The following LRMDA variants were observed in gnomAD, a reference collection of about 807,000 sequenced individuals.
LRMDA encodes the protein leucine rich melanocyte differentiation associated.
In LRMDA, 18 loss-of-function variants were observed where a neutral mutation model predicts 29.8. The observed-to-expected ratio is 0.60, with a 90% CI of 0.42 to 0.90. The LOEUF (loss-of-function observed/expected upper bound fraction) is 0.90. LRMDA is among the 40% of genes least tolerant of loss of function. The pLI is 0.00. For synonymous variants in LRMDA, 125 were observed against 109.4 expected, an observed-to-expected ratio of 1.14 and a Z score of -0.89; for missense variants, 273 against 273.9, an observed-to-expected ratio of 1.00 and a Z score of 0.02.
chr10:75,840,492 T>G (rs933157599), intron 2 of LRMDA, among the ~76,000 whole-genome samples: 1 of 152,238 alleles, frequency 6.6e-6, no homozygotes, highest in Non-Finnish European at 1.5e-5. Context: ...TCATGGTCTG[T>G]TTGCCTAGAG....
Position 75,966,542 on chromosome 10 carries a change from A to AT in LRMDA, c.132-69464dup, listed in dbSNP as rs1291132855. ...TTCCATGAAGGCAGGGGTCCTTGTT[A>AT]TTCATCATTTGGGTAACTACACAGT... On this transcript the variant is annotated intron_variant, in intron 2 of 6. Coordinates refer to ENST00000611255, the MANE Select transcript of LRMDA (RefSeq NM_001305581.2). Among the ~76,000 whole-genome samples the AT allele has an allele frequency of 4.6e-5, 7 of 152,286 alleles. No homozygotes were observed. The East Asian group carries it at 1.2e-3, about 25-fold the overall frequency.
intron 2 of LRMDA, among the ~76,000 whole-genome samples, chr10:75,738,105 C>T (rs780415241): frequency 7.2e-5 from 11 of 152,324 alleles, no homozygotes; most frequent in Non-Finnish European, 1.6e-4. Context: ...TCATCAAACG[C>T]AGCCCCTTCC....
intron 2 of LRMDA, among the ~76,000 whole-genome samples, chr10:75,641,728 A>G (rs373118081): frequency 6.6e-6 from 1 of 152,110 alleles, no homozygotes; most frequent in East Asian, 1.9e-4. Flanking sequence ...GTGTGAGCCA[A>G]AAAGCCCTTG....
chr10:76,413,625 GAC>G (rs1222108711), intron 6 of LRMDA, among the ~76,000 whole-genome samples: 1 of 152,064 alleles, frequency 6.6e-6, no homozygotes, highest in African/African-American at 2.4e-5. Flanking sequence ...TTTGGGTGAG[GAC>G]ACAGCCAAAC....
intron 6 of LRMDA, among the ~76,000 whole-genome samples, chr10:76,533,610 C>T (rs1157208262): frequency 6.6e-6 from 1 of 152,106 alleles, no homozygotes; most frequent in Non-Finnish European, 1.5e-5. Flanking sequence ...CAGTTAAAGG[C>T]ACCTATGGAT....
intron 6 of LRMDA, among the ~76,000 whole-genome samples, chr10:76,507,642 T>C (rs1026067220): frequency 2.0e-5 from 3 of 152,106 alleles, no homozygotes; most frequent in African/African-American, 7.2e-5. Context: ...TTATATTAAG[T>C]TTTTAATCCA....
chr10:76,131,366 C>T (rs1466922793), intron 5 of LRMDA, among the ~76,000 whole-genome samples: 3 of 152,198 alleles, frequency 2.0e-5, no homozygotes, highest in Admixed American at 6.5e-5. Flanking sequence ...AACAGAATCA[C>T]CCCTGAGGTG....
chr10:75,575,892 C>T (rs1405337065), intron 2 of LRMDA, among the ~76,000 whole-genome samples: 1 of 152,102 alleles, frequency 6.6e-6, no homozygotes, highest in African/African-American at 2.4e-5. Flanking sequence ...CTCTGGTGCC[C>T]ACACCACCAG....
chr10:76,141,397 C>T (rs1363524688), intron 5 of LRMDA, among the ~76,000 whole-genome samples: 1 of 152,044 alleles, frequency 6.6e-6, no homozygotes, highest in Non-Finnish European at 1.5e-5. Context: ...GTAATACATA[C>T]TAGTAGCTGG....
rs114731838 is a variant in LRMDA at position 75,702,681 on chromosome 10, T to C, written c.131+264187T>C. Among the ~76,000 whole-genome samples the C allele has an allele frequency of 2.6e-3, 400 of 152,376 alleles. 2 individuals carry two copies. Among genetic ancestry groups the C allele is most frequent in the African/African-American group, 9.2e-3 (382 of 41,584 alleles). On this transcript the variant is annotated intron_variant, in intron 2 of 6. Transcript: ENST00000611255. ...CTAGAAATAACAAATAGATTATTTT[T>C]ATTGCCATATTTTTGAAATGTAAAA...
At chr10:75,932,412 A>G (rs1481724169) in intron 2 of LRMDA, among the ~76,000 whole-genome samples, 1 of 152,198 alleles carries the variant, frequency 6.6e-6, no homozygotes, top group East Asian at 1.9e-4. Context: ...CAGGAGTTCA[A>G]GACCAGCCTG....
At chr10:75,802,472 T>C (rs1315589422) in intron 2 of LRMDA, among the ~76,000 whole-genome samples, 2 of 152,174 alleles carry the variant, frequency 1.3e-5, no homozygotes, top group Non-Finnish European at 2.9e-5. Flanking sequence ...TGTAAGTCAT[T>C]ACAAATGTCA....
intron 2 of LRMDA, among the ~76,000 whole-genome samples, chr10:75,499,961 C>T (rs936564517): frequency 6.6e-6 from 1 of 152,180 alleles, no homozygotes; most frequent in African/African-American, 2.4e-5. Flanking sequence ...CCTAGATTAA[C>T]TTCTGTTTTC....
At chr10:75,611,329 A>G (rs1841029310) in intron 2 of LRMDA, among the ~76,000 whole-genome samples, 1 of 152,188 alleles carries the variant, frequency 6.6e-6, no homozygotes, top group African/African-American at 2.4e-5. Context: ...TGTAGCTGCC[A>G]GTGCTTGACT....
At chr10:75,563,741 T>C (rs1178639508) in intron 2 of LRMDA, among the ~76,000 whole-genome samples, 1 of 152,148 alleles carries the variant, frequency 6.6e-6, no homozygotes, top group Non-Finnish European at 1.5e-5. Context: ...TTAGTTTTCC[T>C]TCTAACAGAC....
Position 76,159,211 on chromosome 10 carries a change from A to C in LRMDA, c.516+100428A>C, listed in dbSNP as rs565913744. Among the ~76,000 whole-genome samples the C allele has an allele frequency of 2.9e-3, 445 of 152,312 alleles. 6 individuals carry two copies. The highest frequency in any genetic ancestry group is 0.01 in the African/African-American group (427 of 41,574). The stretch of plus-strand genomic sequence containing the variant: ...CTTATTTTCAAATAAGGAAATGCAC[A>C]TCAAGAGTTGTGCTTGGTGTATGGA... On this transcript the variant is annotated intron_variant, in intron 5 of 6. Coordinates refer to ENST00000611255, the MANE Select transcript of LRMDA (RefSeq NM_001305581.2).
chr10:75,958,690 G>A (rs1437370446), intron 2 of LRMDA, among the ~76,000 whole-genome samples: 2 of 152,186 alleles, frequency 1.3e-5, no homozygotes, highest in Admixed American at 1.3e-4. Flanking sequence ...ATTTGCTACT[G>A]GGTTGTATAG....
chr10:76,491,522 G>T (rs989301592), intron 6 of LRMDA, among the ~76,000 whole-genome samples: 1 of 151,954 alleles, frequency 6.6e-6, no homozygotes, highest in Admixed American at 6.6e-5. Context: ...ACCTGTAAAG[G>T]TTTCCTCTGA....
At chr10:76,276,824 T>C (rs1372967710) in intron 5 of LRMDA, among the ~76,000 whole-genome samples, 1 of 152,226 alleles carries the variant, frequency 6.6e-6, no homozygotes, top group African/African-American at 2.4e-5. Context: ...TTTCAGACTA[T>C]GGGTTCTGTC....
Sources: allele counts gnomAD v4.1 joint callset (sites outside exome capture counted in the v4.1 genomes callset), GRCh38; gene constraint gnomAD v4.1.1; transcripts MANE v1.5; gene names NCBI Gene and HGNC (gene_info 2026-07-23, HGNC 2026-07-21).